The following RPS6KC1 variants were observed in gnomAD, a reference collection of about 807,000 sequenced individuals.
The protein encoded by RPS6KC1 is inactive ribosomal protein S6 kinase delta-1.
Under a neutral mutation model 103.8 loss-of-function variants are expected in RPS6KC1, and 54 were observed. The observed-to-expected ratio is 0.52, with a 90% CI of 0.42 to 0.65. RPS6KC1 has a LOEUF of 0.65. Ranked by LOEUF, RPS6KC1 falls within the 30% of genes least tolerant of loss-of-function variation. RPS6KC1 has a pLI of 0.00. For synonymous variants in RPS6KC1, 439 were observed against 438.7 expected, an observed-to-expected ratio of 1.00 and a Z score of -0.01; for missense variants, 1,151 against 1,253.8, an observed-to-expected ratio of 0.92 and a Z score of 1.24.
Position 213,214,017 on chromosome 1 carries a change from CGGACAGTGGGTGCA to C in RPS6KC1, c.1045-16464_1045-16451del, listed in dbSNP as rs1395682965. ...CTGGGTTCATCTCACTGGGGATTGT[CGGACAGTGGGTGCA>C]GGACAGTGGGTGCAGCGCACCGAGC... On this transcript the variant is annotated intron_variant, in intron 8 of 14. Transcript: ENST00000366960. Among the ~76,000 whole-genome samples, 84 of 152,314 alleles carry C rather than the reference CGGACAGTGGGTGCA, an allele frequency of 5.5e-4. 1 individual carries two copies. The highest frequency in any genetic ancestry group is 3.9e-4 in the East Asian group (2 of 5,180).
the RPS6KC1 span, chr1:213,492,159 C>T: frequency 6.6e-6 from 1 of 152,178 alleles, no homozygotes; most frequent in Non-Finnish European, 1.5e-5. Context: ...AGGAGGCACG[C>T]GGAGGAGAGC....
rs1470557039 is a variant in RPS6KC1, at chr1:213,077,690, C to G, written c.142-6C>G. On this transcript the variant is annotated splice_region_variant and splice_polypyrimidine_tract_variant and intron_variant, in intron 2 of 14. Coordinates refer to ENST00000366960, the MANE Select transcript of RPS6KC1 (RefSeq NM_012424.6). ...TGAGATACATGTTTAATTTTTTTCT[C>G]TCTAGATAATTGTATGGAAGAGATA... is the stretch of plus-strand genomic sequence containing the variant. 1 of 1,415,332 alleles carries G rather than the reference C, an allele frequency of 7.1e-7. No homozygotes were observed. The highest frequency in any genetic ancestry group is 9.6e-7 in the Non-Finnish European group (1 of 1,040,900). The allele number at this position is 1,415,332 out of a possible 1,614,324, so 87.7% of individuals were successfully genotyped here. A position where few individuals can be genotyped will look rare whatever the true frequency, so the allele number is the denominator to read the frequency against.
the RPS6KC1 span, among the ~76,000 whole-genome samples, chr1:213,647,963 C>T: frequency 6.6e-6 from 1 of 152,082 alleles, no homozygotes; most frequent in South Asian, 2.1e-4. Context: ...CAACCTGGAC[C>T]CCACTACTCT....
chr1:213,401,691 T>C, the RPS6KC1 span, among the ~76,000 whole-genome samples: 2 of 152,250 alleles, frequency 1.3e-5, no homozygotes, highest in African/African-American at 4.8e-5. Context: ...GCTTTACAGC[T>C]GCGATGGCAT....
the RPS6KC1 span, among the ~76,000 whole-genome samples, chr1:213,597,094 A>T: frequency 0.052 from 7,909 of 152,206 alleles, 259 homozygotes; most frequent in East Asian, 0.11. Context: ...GAATGGAAGT[A>T]TGTTGGTTAT....
At chr1:213,754,022 G>T in the RPS6KC1 span, among the ~76,000 whole-genome samples, 2 of 152,202 alleles carry the variant, frequency 1.3e-5, no homozygotes, top group African/African-American at 2.4e-5. Flanking sequence ...ATGGCAGTCT[G>T]GTCTCTGGGA....
intron 8 of RPS6KC1, among the ~76,000 whole-genome samples, chr1:213,192,456 T>G (rs1290880277): frequency 6.6e-6 from 1 of 152,184 alleles, no homozygotes; most frequent in East Asian, 1.9e-4. Context: ...GTAGGACTGG[T>G]GTTCTTTAAA....
At chr1:213,631,434 A>G in the RPS6KC1 span, among the ~76,000 whole-genome samples, 1 of 150,674 alleles carries the variant, frequency 6.6e-6, no homozygotes, top group African/African-American at 2.4e-5. Context: ...ATTGTATTCT[A>G]GTGAGTAGGT....
At chr1:213,206,693 TTA>T (rs1308110311) in intron 8 of RPS6KC1, among the ~76,000 whole-genome samples, 1 of 152,260 alleles carries the variant, frequency 6.6e-6, no homozygotes, top group Non-Finnish European at 1.5e-5. Context: ...GATAGTTAAG[TTA>T]TATTTCTGAT....
At position 213,241,567 on chromosome 1, in the gene RPS6KC1, T is replaced by C. The variant is rs750600041; in HGVS notation, c.2091T>C (p.Gly697=). The change falls in exon 11 of 15, where the codon GGT becomes GGC. Residue 697 remains glycine (G), a synonymous_variant. Coordinates refer to ENST00000366960, the MANE Select transcript of RPS6KC1 (RefSeq NM_012424.6). The part of the protein sequence containing the change: ...GRPDLLVNLP[G]ELESTREAAA... ...CTGATCTTCTTGTAAATTTACCTGG[T>C]GAATTGGAGTCAACAAGAGAAGCTG... 1 of 1,613,820 alleles carries C rather than the reference T, an allele frequency of 6.2e-7. No individual in the cohort carries two copies. The highest frequency in any genetic ancestry group is 8.5e-7 in the Non-Finnish European group (1 of 1,179,940).
chr1:213,698,715 T>C, the RPS6KC1 span, among the ~76,000 whole-genome samples: 1 of 152,142 alleles, frequency 6.6e-6, no homozygotes, highest in African/African-American at 2.4e-5. Context: ...TTTCAATATG[T>C]GTTCTGTCCC....
chr1:213,603,416 G>C, the RPS6KC1 span, among the ~76,000 whole-genome samples: 1 of 152,226 alleles, frequency 6.6e-6, no homozygotes, highest in Non-Finnish European at 1.5e-5. Context: ...TTAGGACCAG[G>C]AACCATGAGA....
In RPS6KC1 at chr1:213,091,316, TC is replaced by T. The variant is rs1449238468; in HGVS notation, c.263-13135del. On this transcript the variant is annotated intron_variant, in intron 3 of 14. Coordinates refer to ENST00000366960, the MANE Select transcript of RPS6KC1 (RefSeq NM_012424.6). ...ACCTCGTGATCTGCCTGCCTCAGCCTCCCAAAGTGCTGGGATTACAGGGGTG... is the reference window on the plus strand; with the variant it reads ...ACCTCGTGATCTGCCTGCCTCAGCCTCCAAAGTGCTGGGATTACAGGGGTG... Among the ~76,000 whole-genome samples, 4 of 152,074 alleles carry T rather than the reference TC, an allele frequency of 2.6e-5. No individual in the cohort carries two copies. The East Asian group carries it at 7.7e-4, about 29-fold the overall frequency.
chr1:213,635,037 T>A, the RPS6KC1 span, among the ~76,000 whole-genome samples: 5 of 152,018 alleles, frequency 3.3e-5, no homozygotes, highest in African/African-American at 9.7e-5. Flanking sequence ...ATGGATAAAT[T>A]CCCGGACACA....
the RPS6KC1 span, among the ~76,000 whole-genome samples, chr1:213,639,499 C>G: frequency 6.6e-6 from 1 of 151,854 alleles, no homozygotes; most frequent in African/African-American, 2.4e-5. Context: ...AATCTTTTAC[C>G]CTTAAGTATG....
the RPS6KC1 span, among the ~76,000 whole-genome samples, chr1:213,374,360 C>T: frequency 6.6e-6 from 1 of 152,212 alleles, no homozygotes; most frequent in Non-Finnish European, 1.5e-5. Flanking sequence ...TCAAATCTCA[C>T]TTAACATACA....
chr1:213,355,225 A>G, the RPS6KC1 span, among the ~76,000 whole-genome samples: 1 of 129,954 alleles, frequency 7.7e-6, no homozygotes, highest in Admixed American at 7.9e-5. Context: ...TCACAAAGGA[A>G]AAAAAAAAGA....
the RPS6KC1 span, among the ~76,000 whole-genome samples, chr1:213,608,405 G>C: frequency 1.3e-5 from 2 of 152,190 alleles, no homozygotes; most frequent in African/African-American, 2.4e-5. Context: ...CAGTTAGGAT[G>C]AGGCCTCCGG....
At chr1:213,467,690 C>T in the RPS6KC1 span, among the ~76,000 whole-genome samples, 2 of 152,174 alleles carry the variant, frequency 1.3e-5, no homozygotes, top group African/African-American at 2.4e-5. Context: ...GTGGTGGTTT[C>T]AGACCACAGA....
Sources: gnomAD v4.1 joint callset for allele counts (sites outside exome capture counted in the v4.1 genomes callset) on GRCh38, gnomAD v4.1.1 for gene constraint, MANE v1.5 for transcripts, NCBI Gene and HGNC (gene_info 2026-07-23, HGNC 2026-07-21) for gene names.